Variants in OPCML observed in about 807,000 individuals in gnomAD.
The protein encoded by OPCML is opioid binding protein/cell adhesion molecule like.
OPCML carries 13 observed loss-of-function variants against 37.8 expected under a neutral mutation model. The observed-to-expected ratio is 0.34, with a 90% CI of 0.22 to 0.55. The LOEUF (loss-of-function observed/expected upper bound fraction) is 0.55, where lower values mean the gene tolerates loss of function less well. Ranked by LOEUF, OPCML falls within the 20% of genes least tolerant of loss-of-function variation. The pLI is 0.91. For synonymous variants in OPCML, 176 were observed against 168.8 expected (o/e 1.04, Z -0.33); for missense variants, 341 against 435.6 (o/e 0.78, Z 1.93).
At chr11:132,588,645 G>A (rs764753360) in intron 3 of OPCML, among the ~76,000 whole-genome samples, 1 of 152,162 alleles carries the variant, frequency 6.6e-6, no homozygotes, top group African/African-American at 2.4e-5. Context: ...GCTCAGAACT[G>A]AGTTTCTCTA....
intron 1 of OPCML, among the ~76,000 whole-genome samples, chr11:133,101,748 C>T (rs572933043): frequency 2.0e-5 from 3 of 152,166 alleles, no homozygotes; most frequent in African/African-American, 7.2e-5. Context: ...AACTTATGCC[C>T]ATAAAAACGC....
chr11:133,473,320 T>C (rs1947157793), intron 1 of OPCML, among the ~76,000 whole-genome samples: 1 of 152,266 alleles, frequency 6.6e-6, no homozygotes, highest in African/African-American at 2.4e-5. Context: ...ACATTGTGTC[T>C]GATAAAAGGA....
intron 1 of OPCML, among the ~76,000 whole-genome samples, chr11:133,522,416 G>C (rs1215326115): frequency 6.6e-6 from 1 of 152,188 alleles, no homozygotes; most frequent in African/African-American, 2.4e-5. Context: ...ATTTCTGGAA[G>C]TCTCCCAGAT....
chr11:133,229,855 C>T (rs74859668), intron 1 of OPCML, among the ~76,000 whole-genome samples: 87 of 152,266 alleles, frequency 5.7e-4, no homozygotes, highest in African/African-American at 1.9e-3. Context: ...CTTTACTGTG[C>T]GCAGTTAGTG....
intron 2 of OPCML, among the ~76,000 whole-genome samples, chr11:132,896,857 A>G (rs368131142): frequency 1.9e-4 from 29 of 152,306 alleles, no homozygotes; most frequent in East Asian, 1.3e-3. Context: ...TAAGAGTCCA[A>G]TGGTGTGGGG....
chr11:133,431,730 G>T (rs1591491981), intron 1 of OPCML, among the ~76,000 whole-genome samples: 1 of 150,966 alleles, frequency 6.6e-6, no homozygotes. Context: ...CTCCTAAAGT[G>T]CTGGGATTAC....
Position 133,206,552 on chromosome 11 carries a change from A to G in OPCML, c.62-263542T>C, listed in dbSNP as rs1187564340. ...CCTGTACTCTCAGAAACATTTGCAT[A>G]TCTAAGCCACTAATAAATGAAGGGT... is the stretch of plus-strand genomic sequence containing the variant. On this transcript the variant is annotated intron_variant, in intron 1 of 7. Coordinates refer to ENST00000524381, the MANE Select transcript of OPCML (RefSeq NM_001012393.5). The surrounding 1 kb of genome is among the most constrained non-coding windows in gnomAD (Gnocchi z 4.7). Among the ~76,000 whole-genome samples, 1 of 152,198 alleles carries G rather than the reference A, an allele frequency of 6.6e-6. No homozygotes were observed. Among genetic ancestry groups the G allele is most frequent in the African/African-American group, 2.4e-5 (1 of 41,448 alleles).
At chr11:132,543,556 G>A (rs2096362135) in intron 3 of OPCML, among the ~76,000 whole-genome samples, 1 of 151,784 alleles carries the variant, frequency 6.6e-6, no homozygotes, top group African/African-American at 2.4e-5. Flanking sequence ...CAAAAAAATA[G>A]TATAGAATAG....
At chr11:132,602,815 A>T (rs1938013607) in intron 3 of OPCML, among the ~76,000 whole-genome samples, 1 of 152,226 alleles carries the variant, frequency 6.6e-6, no homozygotes, top group African/African-American at 2.4e-5. Context: ...AGTAAAAGGA[A>T]TCGTGGGAAC....
In OPCML at chr11:132,869,520, A is replaced by T. The variant is rs187824277; in HGVS notation, c.146+73406T>A. 7.2e-5 allele frequency among the ~76,000 whole-genome samples: 10 copies of T among 139,730 alleles called. No homozygotes were observed. In the East Asian group the frequency reaches 2.2e-3, roughly 31 times the overall value. 91.7% of individuals were successfully genotyped at this position (139,730 alleles called of 152,430 possible). Reference sequence around the variant, plus strand: ...TGGGAGGAATGACCCACAAATGGTTAAAAAAAAATGAGGATGATGAAATAA... The same window carrying T: ...TGGGAGGAATGACCCACAAATGGTTTAAAAAAAATGAGGATGATGAAATAA... On this transcript the variant is annotated intron_variant, in intron 2 of 7. Transcript: ENST00000524381.
At chr11:133,185,941 A>G (rs1388336089) in intron 1 of OPCML, among the ~76,000 whole-genome samples, 1 of 152,250 alleles carries the variant, frequency 6.6e-6, no homozygotes, top group East Asian at 1.9e-4. Context: ...ACATGTGAGT[A>G]CAATTTTCCA....
intron 2 of OPCML, among the ~76,000 whole-genome samples, chr11:132,785,837 C>A (rs972973519): frequency 6.6e-6 from 1 of 152,280 alleles, no homozygotes; most frequent in African/African-American, 2.4e-5. Context: ...GACCTCAGAT[C>A]TAAATTTTCC....
chr11:133,005,719 CT>C (rs1225706058), intron 1 of OPCML: 20 of 977,394 alleles, frequency 2.0e-5, no homozygotes, highest in Non-Finnish European at 2.2e-5. Flanking sequence ...CTTATCTTTT[CT>C]GTTAATTCTT....
chr11:132,613,390 T>C (rs1196036624), intron 3 of OPCML, among the ~76,000 whole-genome samples: 1 of 152,232 alleles, frequency 6.6e-6, no homozygotes, highest in Admixed American at 6.5e-5. Flanking sequence ...AAGACAGCTA[T>C]ATTTTCAGTC....
At chr11:132,609,711 GTTACT>G (rs1446949136) in intron 3 of OPCML, among the ~76,000 whole-genome samples, 1 of 152,078 alleles carries the variant, frequency 6.6e-6, no homozygotes. Flanking sequence ...CTTCTTTTGT[GTTACT>G]TTACAATAGC....
intron 1 of OPCML, among the ~76,000 whole-genome samples, chr11:133,351,089 G>T (rs941272769): frequency 4.6e-5 from 7 of 152,190 alleles, no homozygotes; most frequent in Non-Finnish European, 8.8e-5. Flanking sequence ...TGTTAAGATG[G>T]ACTGAGTTAC....
intron 2 of OPCML, among the ~76,000 whole-genome samples, chr11:132,922,259 G>A (rs915145673): frequency 3.0e-4 from 46 of 152,042 alleles, no homozygotes; most frequent in Non-Finnish European, 5.0e-4. Flanking sequence ...CATGACTTTT[G>A]CCCCTAAGCA....
chr11:133,285,845 C>T (rs1942280200), intron 1 of OPCML, among the ~76,000 whole-genome samples: 1 of 152,178 alleles, frequency 6.6e-6, no homozygotes, highest in Non-Finnish European at 1.5e-5. Flanking sequence ...CCTGCACATT[C>T]TGTAAGGCTG....
chr11:132,624,449 C>A (rs922590790), intron 3 of OPCML, among the ~76,000 whole-genome samples: 1 of 152,190 alleles, frequency 6.6e-6, no homozygotes, highest in African/African-American at 2.4e-5. Context: ...TTTCTTATTT[C>A]TGTGATATCA....
Sources: allele counts gnomAD v4.1 joint callset (sites outside exome capture counted in the v4.1 genomes callset), GRCh38; gene constraint gnomAD v4.1.1; non-coding constraint Gnocchi (gnomAD v3.1); transcripts MANE v1.5; gene names NCBI Gene and HGNC (gene_info 2026-07-23, HGNC 2026-07-21).